The following FAM234A variants were observed in gnomAD, a reference collection of about 807,000 sequenced individuals.
FAM234A encodes the protein protein FAM234A.
Under a neutral mutation model 49.1 loss-of-function variants are expected in FAM234A, and 42 were observed. That is an observed-to-expected ratio of 0.86 (90% confidence interval 0.67 to 1.11). The LOEUF is 1.11. FAM234A is among the 50% of genes least tolerant of loss of function. FAM234A has a pLI of 0.00. For missense variants in FAM234A, 815 were observed against 745.2 expected, an observed-to-expected ratio of 1.09 and a Z score of -1.09; for synonymous variants, 369 against 316.2, an observed-to-expected ratio of 1.17 and a Z score of -1.77.
chr16:269,306 G>T (rs374093158), downstream of FAM234A: 20 of 1,591,266 alleles, frequency 1.3e-5, no homozygotes, highest in African/African-American at 1.7e-4. Context: ...GCCACAAGCC[G>T]CTGTGGGCTC....
intron 2 of FAM234A, among the ~76,000 whole-genome samples, chr16:252,068 A>C (rs2051038705): frequency 6.7e-6 from 1 of 149,714 alleles, no homozygotes. Flanking sequence ...TGGCATGATC[A>C]GAGCTCACTG....
At chr16:260,392 C>A (rs1452322293) in intron 5 of FAM234A, 8 of 582,534 alleles carry the variant, frequency 1.4e-5, no homozygotes, top group Non-Finnish European at 1.9e-5. Flanking sequence ...TTACACCTTG[C>A]TGGTGGGCTG....
intron 5 of FAM234A, 148 bp from the exon 6 acceptor site, chr16:261,236 G>A: frequency 1.1e-6 from 1 of 885,650 alleles, no homozygotes; most frequent in Non-Finnish European, 1.7e-6. Context: ...CTCCCCTCCT[G>A]TTGGCATCTG....
intron 1 of FAM234A, among the ~76,000 whole-genome samples, chr16:236,362 T>C (rs1004364446): frequency 8.7e-4 from 132 of 151,310 alleles, no homozygotes; most frequent in Non-Finnish European, 1.6e-3. Flanking sequence ...CAGTGGCTCA[T>C]GCCTGTAATC....
intron 1 of FAM234A, among the ~76,000 whole-genome samples, chr16:241,499 G>A (rs1014154690): frequency 2.0e-5 from 3 of 151,108 alleles, no homozygotes; most frequent in African/African-American, 7.3e-5. Context: ...TGAGGCGGGA[G>A]GATCTCTTGA....
At chr16:247,321 A>G (rs972949465) in intron 1 of FAM234A, among the ~76,000 whole-genome samples, 1 of 149,694 alleles carries the variant, frequency 6.7e-6, no homozygotes, top group Non-Finnish European at 1.5e-5. Flanking sequence ...CTTTTTAGAA[A>G]CGGTCTCACC....
rs528755170 is a variant in FAM234A at position 252,158 on chromosome 16, G to GGCC, written c.-33-2222_-33-2220dup. ...CATTACAGGCATGAGCCACCGTGCT[G>GGCC]GCCATGTCTCTGTTTTTCTGTTTTT... On this transcript the variant is annotated intron_variant, in intron 2 of 12. Coordinates refer to ENST00000399932, the MANE Select transcript of FAM234A (RefSeq NM_032039.4). Among the ~76,000 whole-genome samples, 446 of 149,652 alleles carry GGCC rather than the reference G, an allele frequency of 3.0e-3. 1 individual carries two copies. The highest frequency in any genetic ancestry group is 0.01 in the African/African-American group (423 of 40,770).
At chr16:262,792 T>G (rs1349183101) in intron 8 of FAM234A, among the ~76,000 whole-genome samples, 3 of 151,578 alleles carry the variant, frequency 2.0e-5, no homozygotes, top group Non-Finnish European at 2.9e-5. Context: ...GTGGGGGTCT[T>G]TCTTCTCTTT....
intron 11 of FAM234A, 102 bp from the exon 12 acceptor site, chr16:264,512 C>A: frequency 3.4e-6 from 3 of 880,514 alleles, no homozygotes; most frequent in Non-Finnish European, 5.4e-6. Context: ...CCAGATAGGG[C>A]CCCTAGCAGA....
At chr16:269,741 C>G (rs1334042512), downstream of FAM234A, 1 of 609,232 alleles carries the variant, frequency 1.6e-6, no homozygotes. Context: ...CCTGCCCAGA[C>G]CAAGGCAGAC....
rs766517296 is a variant in FAM234A at position 262,480 on chromosome 16, G to A, written c.898G>A (p.Gly300Ser). Reference sequence around the variant, plus strand: ...TCTCTACGAGAAGGTGACCGGGAGCGGCGGCCCGTTCAAGAGTGACCCGCA... The same window carrying A: ...TCTCTACGAGAAGGTGACCGGGAGCAGCGGCCCGTTCAAGAGTGACCCGCA... Reference protein sequence around the residue: ...KGLYEKVTGSGGPFKSDPHWE... With the variant: ...KGLYEKVTGSSGPFKSDPHWE... Residue 300 changes from glycine to serine, a missense_variant, in exon 8 of 13, where the codon GGC becomes AGC. Physicochemically the swap from Gly to Ser is moderately conservative, Grantham distance 56 (BLOSUM62 0). Coordinates refer to ENST00000399932, the MANE Select transcript of FAM234A (RefSeq NM_032039.4). 12 of 1,612,104 alleles carry A rather than the reference G, an allele frequency of 7.4e-6. No individual in the cohort carries two copies. Among genetic ancestry groups the A allele is most frequent in the African/African-American group, 5.3e-5 (4 of 74,874 alleles).
chr16:267,774 C>T (rs1040285390), downstream of FAM234A, among the ~76,000 whole-genome samples: 10 of 147,658 alleles, frequency 6.8e-5, no homozygotes, highest in Non-Finnish European at 1.1e-4. Context: ...AACACGTGCA[C>T]ACACCACACA....
chr16:241,051 C>G (rs1413909332), intron 1 of FAM234A, among the ~76,000 whole-genome samples: 1 of 152,038 alleles, frequency 6.6e-6, no homozygotes, highest in Non-Finnish European at 1.5e-5. Context: ...TCTCGCACAG[C>G]TGGGACTAGA....
Position 262,488 on chromosome 16 carries a change from G to C in FAM234A, c.906G>C (p.Pro302=), listed in dbSNP as rs377342149. 3 of 1,612,596 alleles carry C rather than the reference G, an allele frequency of 1.9e-6. No individual in the cohort carries two copies. Among genetic ancestry groups the C allele is most frequent in the Non-Finnish European group, 2.5e-6 (3 of 1,179,444 alleles). Residue 302 remains proline (P), a synonymous_variant, in exon 8 of 13, where the codon CCG becomes CCC. Coordinates refer to ENST00000399932, the MANE Select transcript of FAM234A (RefSeq NM_032039.4). ...LYEKVTGSGG[P]FKSDPHWESM... ...AGAAGGTGACCGGGAGCGGCGGCCC[G>C]TTCAAGAGTGACCCGCACTGGGAGA...
At chr16:257,058 T>A (rs1383104691) in intron 3 of FAM234A, among the ~76,000 whole-genome samples, 3 of 151,746 alleles carry the variant, frequency 2.0e-5, no homozygotes, top group Non-Finnish European at 2.9e-5. Flanking sequence ...TTTGTATTTT[T>A]AGTAGATGCG....
rs909774170 is a variant in FAM234A, at chr16:265,906, G to T, written c.*884G>T. 9 of 986,216 alleles carry T rather than the reference G, an allele frequency of 9.1e-6. No homozygotes were observed. Among genetic ancestry groups the T allele is most frequent in the Non-Finnish European group, 1.1e-5 (9 of 830,480 alleles). The allele number at this position is 986,216 out of a possible 1,614,324, so 61.1% of individuals were successfully genotyped here. A position where few individuals can be genotyped will look rare whatever the true frequency, so the allele number is the denominator to read the frequency against. On this transcript the variant is annotated 3_prime_UTR_variant, in exon 13 of 13. Transcript: ENST00000399932. ...GCCTCTCCCCTTCCGGTGCTCACAC[G>T]CCCACGCCGTGCCACCCGATGCAGG...
chr16:238,755 G>A (rs1404327250), intron 1 of FAM234A, among the ~76,000 whole-genome samples: 1 of 102,176 alleles, frequency 9.8e-6, no homozygotes, highest in Admixed American at 1.4e-4. Context: ...GACAGAGTGA[G>A]ACTCCGTCTC....
At chr16:248,937 ATATT>A (rs1415147040) in intron 1 of FAM234A, among the ~76,000 whole-genome samples, 3 of 151,994 alleles carry the variant, frequency 2.0e-5, no homozygotes, top group Non-Finnish European at 4.4e-5. Context: ...AATGTTGTAT[ATATT>A]TATTACTGAT....
At position 261,612 on chromosome 16, in the gene FAM234A, G is replaced by A. The variant is rs1417725239; in HGVS notation, c.708+98G>A. On this transcript the variant is annotated intron_variant, in intron 6 of 12. Transcript: ENST00000399932. Reference sequence around the variant, plus strand: ...TGCTGCCACTTCCCAGACAGGATTCGGGTCTGACCACTTGCCGGGGACTCG... The same window carrying A: ...TGCTGCCACTTCCCAGACAGGATTCAGGTCTGACCACTTGCCGGGGACTCG... 6.5e-5 allele frequency: 92 copies of A among 1,421,766 alleles called. No homozygotes were observed. The East Asian group carries it at 2.0e-3, about 31-fold the overall frequency. 88.1% of individuals were successfully genotyped at this position (1,421,766 alleles called of 1,614,324 possible). A position where few individuals can be genotyped will look rare whatever the true frequency, so the allele number is the denominator to read the frequency against.
Sources: allele counts gnomAD v4.1 joint callset (sites outside exome capture counted in the v4.1 genomes callset), GRCh38; gene constraint gnomAD v4.1.1; transcripts MANE v1.5; gene names NCBI Gene and HGNC (gene_info 2026-07-23, HGNC 2026-07-21).